DLAT: variants seen among roughly 807,000 people sequenced by gnomAD.
The protein encoded by DLAT is dihydrolipoyllysine-residue acetyltransferase component of pyruvate dehydrogenase complex, mitochondrial.
Under a neutral mutation model 68.0 loss-of-function variants are expected in DLAT, and 43 were observed. That is an observed-to-expected ratio of 0.63 (90% CI 0.50 to 0.81). The LOEUF (loss-of-function observed/expected upper bound fraction) is 0.81, where lower values mean the gene tolerates loss of function less well. Ranked by LOEUF, DLAT falls within the 40% of genes least tolerant of loss-of-function variation. The pLI is 0.00. For missense variants in DLAT, 745 were observed against 815.4 expected (o/e 0.91, Z 1.05); for synonymous variants, 265 against 288.6 (o/e 0.92, Z 0.83).
chr11:112,063,270 C>T lies in DLAT; in HGVS notation c.*735C>T, dbSNP rs1428908944. 2.6e-5 allele frequency: 4 copies of T among 151,970 alleles called. No individual in the cohort carries two copies. Among genetic ancestry groups the T allele is most frequent in the Non-Finnish European group, 5.9e-5 (4 of 67,980 alleles). The allele number at this position is 151,970 out of a possible 1,614,324, so 9.4% of individuals were successfully genotyped here. On this transcript the variant is annotated 3_prime_UTR_variant, in exon 14 of 14. Transcript: ENST00000280346. ...AATGTGTAATTTTGAGTACAGAATT[C>T]AACAGTTACCTCCAAAAAAGAAACA... is the stretch of plus-strand genomic sequence containing the variant.
chr11:112,038,129 A>G (rs782685619), intron 6 of DLAT, among the ~76,000 whole-genome samples: 2 of 152,180 alleles, frequency 1.3e-5, no homozygotes, highest in African/African-American at 2.4e-5. Context: ...AAACATTTCT[A>G]TAAGAGAAAA....
rs143399280 is a variant in DLAT, at chr11:112,045,169, C to G, written c.1229C>G (p.Pro410Arg). ...APAAVVPPTG[P>R]GMAPVPTGVF... ...GCAGCTGTTGTGCCTCCCACAGGTC[C>G]TGGAATGGCACCAGTTCCTACAGGT... Residue 410 changes from proline to arginine, a missense_variant, in exon 9 of 14, where the codon CCT becomes CGT. Transcript: ENST00000280346. 77 of 1,614,098 alleles carry G rather than the reference C, an allele frequency of 4.8e-5. No homozygotes were observed. The East Asian group carries it at 1.7e-3, about 36-fold the overall frequency.
chr11:112,032,572 T>A (rs907917487), intron 4 of DLAT: 1 of 152,224 alleles, frequency 6.6e-6, no homozygotes, highest in Non-Finnish European at 1.5e-5. Context: ...GTTCCAATTT[T>A]AGTATATGTG....
chr11:112,045,028 C>A, intron 8 of DLAT, 110 bp from the exon 9 acceptor site: 1 of 769,342 alleles, frequency 1.3e-6, no homozygotes, highest in Non-Finnish European at 2.2e-6. Context: ...GAGCAAGACT[C>A]TGTCTCAAAA....
At chr11:112,037,668 T>G (rs1231662446) in intron 6 of DLAT, among the ~76,000 whole-genome samples, 1 of 152,234 alleles carries the variant, frequency 6.6e-6, no homozygotes, top group Non-Finnish European at 1.5e-5. Flanking sequence ...TGTAGCTTTT[T>G]TCTTCCTGCT....
intron 12 of DLAT, 142 bp downstream of exon 12, chr11:112,060,207 G>T: frequency 1.4e-6 from 1 of 720,152 alleles, no homozygotes; most frequent in Non-Finnish European, 2.2e-6. Flanking sequence ...TGTCACCCAG[G>T]CTGGAGTGCA....
intron 10 of DLAT, among the ~76,000 whole-genome samples, chr11:112,048,268 T>C (rs1196254985): frequency 6.6e-6 from 1 of 152,162 alleles, no homozygotes; most frequent in African/African-American, 2.4e-5. Context: ...GGCTCTCTGT[T>C]TGTCTGTTAT....
chr11:112,042,814 C>A (rs1863112996), intron 7 of DLAT, among the ~76,000 whole-genome samples: 2 of 152,098 alleles, frequency 1.3e-5, no homozygotes, highest in South Asian at 4.1e-4. Flanking sequence ...TAACACGGGC[C>A]AGTTTAGAGC....
intron 5 of DLAT, 121 bp from the exon 6 acceptor site, chr11:112,037,152 T>A: frequency 1.2e-6 from 1 of 866,924 alleles, no homozygotes; most frequent in Non-Finnish European, 1.9e-6. Flanking sequence ...TTAAATAGGT[T>A]GCAAAAAAGG....
Position 112,051,076 on chromosome 11 carries a change from G to A in DLAT, c.1399-158G>A, listed in dbSNP as rs1555181927. Among the ~76,000 whole-genome samples the A allele has an allele frequency of 1.3e-5, 2 of 152,186 alleles. No homozygotes were observed. On this transcript the variant is annotated intron_variant, in intron 10 of 13. Coordinates refer to ENST00000280346, the MANE Select transcript of DLAT (RefSeq NM_001931.5). This position sits in a 1 kb window ranked among gnomAD's most constrained non-coding sequence, Gnocchi z 4.3. The stretch of plus-strand genomic sequence containing the variant: ...TAGGAAAAATAGCTGATGCATGTGA[G>A]GCCTAATACCTGGGTGATGGGTTGA...
At position 112,063,390 on chromosome 11, in the gene DLAT, C is replaced by T. The variant is rs1026523019; in HGVS notation, c.*855C>T. ...TGAACATAATGAACAGAATTTATGA[C>T]TCCACTGTGGAAAATGCTATCAAAT... On this transcript the variant is annotated 3_prime_UTR_variant, in exon 14 of 14. Coordinates refer to ENST00000280346, the MANE Select transcript of DLAT (RefSeq NM_001931.5). The T allele has an allele frequency of 2.6e-5, 4 of 152,496 alleles. No individual in the cohort carries two copies. The highest frequency in any genetic ancestry group is 9.6e-5 in the African/African-American group (4 of 41,452). The allele number at this position is 152,496 out of a possible 1,614,324, so 9.4% of individuals were successfully genotyped here.
intron 8 of DLAT, 25 bp from the exon 9 acceptor site, chr11:112,045,113 A>T (rs1863237605): frequency 3.2e-6 from 5 of 1,585,754 alleles, no homozygotes; most frequent in Non-Finnish European, 4.3e-6. Flanking sequence ...CACAGTTACT[A>T]AGAGCTTTTT....
At chr11:112,042,242 GT>G (rs1240513352) in intron 7 of DLAT, among the ~76,000 whole-genome samples, 1 of 152,144 alleles carries the variant, frequency 6.6e-6, no homozygotes, top group Non-Finnish European at 1.5e-5. Context: ...AGGGAAAAGG[GT>G]TTACAAGGTT....
chr11:112,045,108 T>C, intron 8 of DLAT, 30 bp from the exon 9 acceptor site: 3 of 1,565,666 alleles, frequency 1.9e-6, no homozygotes, highest in Admixed American at 1.7e-5. Context: ...TGAATCACAG[T>C]TACTAAGAGC....
chr11:112,055,953 C>T (rs1338491478), intron 11 of DLAT, among the ~76,000 whole-genome samples: 4 of 141,812 alleles, frequency 2.8e-5, no homozygotes, highest in East Asian at 2.1e-4. Context: ...TTGCAACCTC[C>T]GCCTCCCGGG....
intron 2 of DLAT, among the ~76,000 whole-genome samples, chr11:112,026,806 G>T (rs1862046953): frequency 6.6e-6 from 1 of 152,068 alleles, no homozygotes; most frequent in African/African-American, 2.4e-5. Context: ...TGTCATCATG[G>T]CCCGTTCTCA....
In DLAT at chr11:112,033,487, A is replaced by G; in HGVS notation, c.744A>G (p.Glu248=). 1 of 1,613,986 alleles carries G rather than the reference A, an allele frequency of 6.2e-7. No individual in the cohort carries two copies. Among genetic ancestry groups the G allele is most frequent in the Non-Finnish European group, 8.5e-7 (1 of 1,179,924 alleles). The change falls in exon 5 of 14, where the codon GAA becomes GAG. Residue 248 remains glutamate, a synonymous_variant. Transcript: ENST00000280346. ...AAAAAGTGGGTGAGAAGCTAAGTGA[A>G]GGAGACTTACTGGCAGAGATAGAAA... is the stretch of plus-strand genomic sequence containing the variant. ...WEKKVGEKLS[E]GDLLAEIETD...
intron 11 of DLAT, 41 bp from the exon 12 acceptor site, chr11:112,059,862 A>AT: frequency 6.6e-7 from 1 of 1,506,488 alleles, no homozygotes; most frequent in Non-Finnish European, 8.9e-7. Context: ...CAGGCTCTTA[A>AT]TAAACAGTTT....
At chr11:112,026,846 G>A (rs1862049724) in intron 2 of DLAT, among the ~76,000 whole-genome samples, 1 of 152,198 alleles carries the variant, frequency 6.6e-6, no homozygotes, top group South Asian at 2.1e-4. Context: ...TCCCAGACAG[G>A]GTGGTGGCCG....
Sources: allele counts gnomAD v4.1 joint callset (sites outside exome capture counted in the v4.1 genomes callset), GRCh38; gene constraint gnomAD v4.1.1; non-coding constraint Gnocchi (gnomAD v3.1); transcripts MANE v1.5; gene names NCBI Gene and HGNC (gene_info 2026-07-23, HGNC 2026-07-21).